The following ABCC6 variants were observed in gnomAD, a reference collection of about 807,000 sequenced individuals.
The protein encoded by ABCC6 is ATP binding cassette subfamily C member 6, also known as ATP-binding cassette sub-family C member 6.
In ABCC6, 126 loss-of-function variants were observed where a neutral mutation model predicts 169.5. The observed-to-expected ratio is 0.74, with a 90% CI of 0.64 to 0.86. The LOEUF (loss-of-function observed/expected upper bound fraction) is 0.86, where lower values mean the gene tolerates loss of function less well. Among genes scored for constraint, ABCC6 ranks in the 40% least tolerant of loss-of-function variants. ABCC6 has a pLI of 0.00. For missense variants in ABCC6, 1,733 were observed against 1,927.2 expected (o/e 0.90, Z 1.89); for synonymous variants, 752 against 814.7 (o/e 0.92, Z 1.31).
chr16:16,202,172 G>A lies in ABCC6; in HGVS notation c.1005C>T (p.Phe335=), dbSNP rs780042786. The A allele has an allele frequency of 3.5e-4, 568 of 1,612,054 alleles. 2 individuals are homozygous for A. Among genetic ancestry groups the A allele is most frequent in the Non-Finnish European group, 4.7e-4 (559 of 1,179,072 alleles). ...GCTTGGGATCACCAATAAACTCCAGGAAAAGGCTTGCAGGGGAAGGAGGGA... is the reference window on the plus strand; with the variant it reads ...GCTTGGGATCACCAATAAACTCCAGAAAAAGGCTTGCAGGGGAAGGAGGGA... ...RFTVPKLLSL[F]LEFIGDPKPP... is the part of the protein sequence containing the mutation. The change falls in exon 9 of 31, where the codon TTC becomes TTT. Residue 335 remains phenylalanine (F), a synonymous_variant. Coordinates refer to ENST00000205557, the MANE Select transcript of ABCC6 (RefSeq NM_001171.6).
intron 25 of ABCC6, among the ~76,000 whole-genome samples, chr16:16,161,142 C>T (rs1366972283): frequency 6.6e-6 from 1 of 152,176 alleles, no homozygotes; most frequent in Non-Finnish European, 1.5e-5. Flanking sequence ...CTAGAAATGT[C>T]CTCCACAGGA....
rs2152212214 is a variant in ABCC6, at chr16:16,154,883, A to C, written c.4031T>G (p.Ile1344Ser). 1 of 1,612,770 alleles carries C rather than the reference A, an allele frequency of 6.2e-7. No homozygotes were observed. Among genetic ancestry groups the C allele is most frequent in the Non-Finnish European group, 8.5e-7 (1 of 1,179,520 alleles). The part of the protein sequence containing the change: ...GLHTLRSRIS[I>S]IPQDPILFPG... Reference sequence around the variant, plus strand: ...CTCCACCAGCCTCACCTGGGGGATGATGCTGATCCTGGAGCGCAGTGTGTG... The same window carrying C: ...CTCCACCAGCCTCACCTGGGGGATGCTGCTGATCCTGGAGCGCAGTGTGTG... Residue 1344 changes from isoleucine to serine, a missense_variant, in exon 28 of 31, where the codon ATC (isoleucine) becomes AGC (serine). Around this residue, in one of 5 missense-constraint regions of ABCC6, gnomAD observed 1,601 missense variants for 1,635.5 expected, o/e 0.98. Transcript: ENST00000205557.
chr16:16,172,429 T>G (rs917721393), intron 21 of ABCC6, among the ~76,000 whole-genome samples: 6 of 71,272 alleles, frequency 8.4e-5, no homozygotes, highest in African/African-American at 1.1e-4. Flanking sequence ...GCTAAATGAG[T>G]GGGTGGGATG....
chr16:16,173,074 C>A (rs2152242844), intron 21 of ABCC6: 1 of 650,386 alleles, frequency 1.5e-6, no homozygotes, highest in Non-Finnish European at 2.6e-6. Flanking sequence ...TAAAAGAATT[C>A]AGTTTCTTTA....
At position 16,182,855 on chromosome 16, in the gene ABCC6, C is replaced by T. The variant is rs770314455; in HGVS notation, c.2019G>A (p.Leu673=). The change falls in exon 16 of 31, where the codon CTG becomes CTA. Residue 673 remains leucine, a synonymous_variant. Transcript: ENST00000205557. Reference sequence around the variant, plus strand: ...TTGACAGCTCCCCAAGGAGGGCGGACAGCAGGGAGGACTTCCCTGCCCCCA... The same window carrying T: ...TTGACAGCTCCCCAAGGAGGGCGGATAGCAGGGAGGACTTCCCTGCCCCCA... ...GPVGAGKSSL[L]SALLGELSKV... is the part of the protein sequence containing the mutation. 6 of 1,613,984 alleles carry T rather than the reference C, an allele frequency of 3.7e-6. No individual in the cohort carries two copies. Among genetic ancestry groups the T allele is most frequent in the Non-Finnish European group, 5.1e-6 (6 of 1,180,012 alleles).
In ABCC6 at chr16:16,165,630, C is replaced by T. The variant is rs764594366; in HGVS notation, c.3299G>A (p.Gly1100Glu). Residue 1100 changes from glycine to glutamate, a missense_variant, in exon 23 of 31, where the codon GGG (glycine) becomes GAG (glutamate). Gly to Glu is a moderately conservative substitution (Grantham distance 98, BLOSUM62 -2). Around this residue, in one of 5 missense-constraint regions of ABCC6, gnomAD observed 1,601 missense variants for 1,635.5 expected, o/e 0.98. Transcript: ENST00000205557. Reference protein sequence around the residue: ...AILPLFLLYAGFQSLYVVSSC... With the variant: ...AILPLFLLYAEFQSLYVVSSC... ...TCCCTGACCTCTCCGTACCTGAAAC[C>T]CAGCGTAGAGGAGAAACAGTGGCAG... The T allele has an allele frequency of 2.5e-6, 4 of 1,613,018 alleles. No homozygotes were observed. Among genetic ancestry groups the T allele is most frequent in the Non-Finnish European group, 3.4e-6 (4 of 1,180,038 alleles).
In ABCC6 at chr16:16,163,016, A is replaced by C; in HGVS notation, c.3483T>G (p.Ser1161Arg). The C allele has an allele frequency of 6.2e-7, 1 of 1,614,028 alleles. No individual in the cohort carries two copies. Among genetic ancestry groups the C allele is most frequent in the African/African-American group, 1.3e-5 (1 of 75,040 alleles). The change falls in exon 24 of 31, where the codon AGT becomes AGG. Residue 1161 changes from serine (S) to arginine (R), a missense_variant. Ser to Arg is a moderately radical substitution (Grantham distance 110). Coordinates refer to ENST00000205557, the MANE Select transcript of ABCC6 (RefSeq NM_001171.6). ...NARVDESQRI[S>R]FPRLVADRWL... ...ACCTGTCAGCCACCAGTCGCGGGAA[A>C]CTGATCCTCTGGCTTTCATCTACGC...
rs1341907923 is a variant in ABCC6 at position 16,190,276 on chromosome 16, C to T, written c.1523G>A (p.Gly508Glu). The T allele has an allele frequency of 1.9e-6, 3 of 1,613,996 alleles. No homozygotes were observed. The highest frequency in any genetic ancestry group is 2.7e-5 in the African/African-American group (2 of 74,932). ...SKTIKFHGWE[G>E]AFLDRVLGIR... ...GCCCAGGACTCTGTCCAGAAAGGCT[C>T]CCTCCCAGCCATGGAACTTGATGGT... The change falls in exon 12 of 31, where the codon GGA becomes GAA. Residue 508 changes from glycine (G) to glutamate (E), a missense_variant. Gly to Glu is a moderately conservative substitution (Grantham distance 98, BLOSUM62 -2). This residue lies in a region of ABCC6 where 1,601 missense variants were observed against 1,635.5 expected (regional missense o/e 0.98). Coordinates refer to ENST00000205557, the MANE Select transcript of ABCC6 (RefSeq NM_001171.6).
chr16:16,150,277 C>T (rs747452385), intron 30 of ABCC6, 36 bp from the exon 31 acceptor site: 13 of 1,613,122 alleles, frequency 8.1e-6, no homozygotes, highest in Non-Finnish European at 1.1e-5. Context: ...GCTCTTTGGA[C>T]ACCAGCCCAG....
At chr16:16,152,414 A>G (rs1421423676) in intron 29 of ABCC6, among the ~76,000 whole-genome samples, 37 of 151,724 alleles carry the variant, frequency 2.4e-4, no homozygotes, top group Admixed American at 2.4e-3. Flanking sequence ...AGAACCTACT[A>G]TGGTCATGCA....
chr16:16,175,934 C>A lies in ABCC6; in HGVS notation c.2643G>T (p.Arg881Ser), dbSNP rs72653800. 24 of 1,614,044 alleles carry A rather than the reference C, an allele frequency of 1.5e-5. No homozygotes were observed. The highest frequency in any genetic ancestry group is 1.4e-5 in the Non-Finnish European group (17 of 1,180,044). Reference sequence around the variant, plus strand: ...ACCTCTCGCGTCTAAGCTCGGGCCTCCTGCCTGCAGAGGTGCCTCTGGGGT... The same window carrying A: ...ACCTCTCGCGTCTAAGCTCGGGCCTACTGCCTGCAGAGGTGCCTCTGGGGT... ...TKDPRGTSAG[R>S]RPELRRERSI... Residue 881 changes from arginine (R) to serine (S), a missense_variant, in exon 20 of 31, where the codon AGG (arginine) becomes AGT (serine). Arg to Ser is a moderately radical substitution (Grantham distance 110, BLOSUM62 -1). This residue lies in a region of ABCC6 where 1,601 missense variants were observed against 1,635.5 expected (regional missense o/e 0.98). Transcript: ENST00000205557.
chr16:16,177,230 A>G (rs1273403332), intron 19 of ABCC6, among the ~76,000 whole-genome samples: 1 of 152,180 alleles, frequency 6.6e-6, no homozygotes, highest in Non-Finnish European at 1.5e-5. Flanking sequence ...GAAATAGTGT[A>G]TTTTTTACAG....
chr16:16,162,074 A>ACGTGCCTT (rs2046738854), intron 24 of ABCC6, among the ~76,000 whole-genome samples: 1 of 152,112 alleles, frequency 6.6e-6, no homozygotes, highest in African/African-American at 2.4e-5. Context: ...GCCATGTAAG[A>ACGTGCCTT]CGTGCCTTGC....
intron 26 of ABCC6, among the ~76,000 whole-genome samples, chr16:16,158,263 A>T (rs1422622242): frequency 6.6e-6 from 1 of 152,130 alleles, no homozygotes; most frequent in African/African-American, 2.4e-5. Context: ...GCACTCTATT[A>T]AATCATTTCT....
chr16:16,201,115 T>C (rs1033265811), intron 9 of ABCC6, among the ~76,000 whole-genome samples: 3 of 152,284 alleles, frequency 2.0e-5, no homozygotes, highest in East Asian at 1.9e-4. Flanking sequence ...TACAGGCACA[T>C]GCCACCATGC....
At position 16,222,236 on chromosome 16, in the gene ABCC6, C is replaced by T. The variant is rs140720842; in HGVS notation, c.37-405G>A. 3.6e-3 allele frequency among the ~76,000 whole-genome samples: 549 copies of T among 152,252 alleles called. 2 individuals carry two copies. Among genetic ancestry groups the T allele is most frequent in the African/African-American group, 0.011 (470 of 41,522 alleles). ...GTACTGTCTCCATTTCAGAAACCAG[C>T]AGACTGAGGCACCAGTCGGGGAACT... On this transcript the variant is annotated intron_variant, in intron 1 of 30. Transcript: ENST00000205557.
chr16:16,203,215 C>A (rs2048298481), intron 8 of ABCC6, among the ~76,000 whole-genome samples, 195 bp downstream of exon 8: 1 of 152,200 alleles, frequency 6.6e-6, no homozygotes, highest in Admixed American at 6.5e-5. Context: ...TAAGAGCTTG[C>A]TTATTTGCCC....
intron 30 of ABCC6, 131 bp downstream of exon 30, chr16:16,150,447 T>C: frequency 6.7e-7 from 1 of 1,497,894 alleles, no homozygotes; most frequent in South Asian, 1.3e-5. Context: ...TTCCCGGGCA[T>C]TCCTCCCGCT....
In ABCC6 at chr16:16,163,042, G is replaced by A. The variant is rs762758350; in HGVS notation, c.3457C>T (p.Arg1153Cys). ...CTGATCCTCTGGCTTTCATCTACGCGAGCATTGTTCTGAGCCACAAAGGGG... is the reference window on the plus strand; with the variant it reads ...CTGATCCTCTGGCTTTCATCTACGCAAGCATTGTTCTGAGCCACAAAGGGG... ...QAPFVAQNNA[R>C]VDESQRISFP... The change falls in exon 24 of 31, where the codon CGC (arginine) becomes TGC (cysteine). Residue 1153 changes from arginine to cysteine, a missense_variant. Arg to Cys is a radical substitution (Grantham distance 180). This residue lies in a region of ABCC6 where 1,601 missense variants were observed against 1,635.5 expected (regional missense o/e 0.98). Transcript: ENST00000205557. 19 of 1,613,882 alleles carry A rather than the reference G, an allele frequency of 1.2e-5. No homozygotes were observed. Among genetic ancestry groups the A allele is most frequent in the African/African-American group, 6.7e-5 (5 of 74,906 alleles).
Sources: allele counts gnomAD v4.1 joint callset (sites outside exome capture counted in the v4.1 genomes callset), GRCh38; gene constraint gnomAD v4.1.1; regional missense constraint gnomAD v4.1.1; transcripts MANE v1.5; gene names NCBI Gene and HGNC (gene_info 2026-07-23, HGNC 2026-07-21).